The following PIP5K1A variants were observed in gnomAD, a reference collection of about 807,000 sequenced individuals.
The protein encoded by PIP5K1A is phosphatidylinositol 4-phosphate 5-kinase type-1 alpha.
In PIP5K1A, 46 loss-of-function variants were observed where a neutral mutation model predicts 72.9. That is an observed-to-expected ratio of 0.63 (90% confidence interval 0.50 to 0.81). The LOEUF is 0.81. PIP5K1A is among the 30% of genes least tolerant of loss of function. The pLI is 0.00. For missense variants in PIP5K1A, 458 were observed against 706.1 expected, an observed-to-expected ratio of 0.65 and a Z score of 3.98; for synonymous variants, 228 against 255.1, an observed-to-expected ratio of 0.89 and a Z score of 1.01.
intron 1 of PIP5K1A, among the ~76,000 whole-genome samples, chr1:151,200,556 C>T (rs1248871907): frequency 6.6e-6 from 1 of 152,108 alleles, no homozygotes; most frequent in Non-Finnish European, 1.5e-5. Flanking sequence ...GGTATTTCCT[C>T]AGGCCTGGTG....
At chr1:151,198,438 CGTGA>C (rs1476382195), upstream of PIP5K1A, 1 of 236,306 alleles carries the variant, frequency 4.2e-6, no homozygotes, top group Non-Finnish European at 8.6e-6. Flanking sequence ...CTCGTCAGGG[CGTGA>C]GGACCCACCT....
At chr1:151,215,302 T>C (rs986003088) in intron 1 of PIP5K1A, among the ~76,000 whole-genome samples, 7 of 151,798 alleles carry the variant, frequency 4.6e-5, no homozygotes, top group African/African-American at 1.7e-4. Context: ...CCTCCCAAAG[T>C]GTTGGGATTA....
In PIP5K1A at chr1:151,248,087, G is replaced by A. The variant is rs1265188427; in HGVS notation, c.*222G>A. On this transcript the variant is annotated 3_prime_UTR_variant, in exon 16 of 16. Coordinates refer to ENST00000368888, the MANE Select transcript of PIP5K1A (RefSeq NM_001135638.2). ...TTAGTGCCTCAGAGAGTTGAGGACCGCAGCATCCCCTCCACTCCAGAGTTG... is the reference window on the plus strand; with the variant it reads ...TTAGTGCCTCAGAGAGTTGAGGACCACAGCATCCCCTCCACTCCAGAGTTG... The A allele has an allele frequency of 1.8e-5, 10 of 543,386 alleles. No homozygotes were observed. The highest frequency in any genetic ancestry group is 6.8e-5 in the South Asian group (3 of 43,860). The allele number at this position is 543,386 out of a possible 1,614,324, so 33.7% of individuals were successfully genotyped here.
chr1:151,215,660 A>C (rs1253930025), intron 1 of PIP5K1A, among the ~76,000 whole-genome samples: 3 of 152,180 alleles, frequency 2.0e-5, no homozygotes, highest in Admixed American at 2.0e-4. Context: ...CTGGCTGCAG[A>C]GGAACCTTAT....
intron 4 of PIP5K1A, among the ~76,000 whole-genome samples, chr1:151,228,978 A>G (rs1393243002): frequency 2.6e-5 from 4 of 151,316 alleles, no homozygotes; most frequent in Non-Finnish European, 5.9e-5. Context: ...GACCAACCTG[A>G]CCAACATGGC....
chr1:151,208,792 G>GTGCAATCTCGGCTGAC (rs1686358267), intron 1 of PIP5K1A, among the ~76,000 whole-genome samples: 1 of 128,946 alleles, frequency 7.8e-6, no homozygotes, highest in Non-Finnish European at 1.6e-5. Context: ...GGGTGCACTG[G>GTGCAATCTCGGCTGAC]TGCAATCTCG....
chr1:151,233,566 T>A (rs1384978038), intron 7 of PIP5K1A: 1 of 152,302 alleles, frequency 6.6e-6, no homozygotes, highest in Non-Finnish European at 1.5e-5. Flanking sequence ...CCTCCCAAAG[T>A]GCTGGGATTA....
At chr1:151,238,943 T>C (rs1691263129) in intron 10 of PIP5K1A, among the ~76,000 whole-genome samples, 187 bp from the exon 11 acceptor site, 1 of 152,232 alleles carries the variant, frequency 6.6e-6, no homozygotes, top group African/African-American at 2.4e-5. Flanking sequence ...AGAAACAACA[T>C]TGGTCTCTGT....
intron 12 of PIP5K1A, among the ~76,000 whole-genome samples, chr1:151,240,517 A>C (rs1465073129): frequency 6.6e-6 from 1 of 152,000 alleles, no homozygotes; most frequent in African/African-American, 2.4e-5. Flanking sequence ...TTTTTTTGCA[A>C]ATCTTCCATG....
intron 1 of PIP5K1A, among the ~76,000 whole-genome samples, chr1:151,204,181 T>C (rs1685604495): frequency 6.6e-6 from 1 of 152,088 alleles, no homozygotes; most frequent in East Asian, 1.9e-4. Context: ...TTGATATATA[T>C]ATATATTTTT....
intron 12 of PIP5K1A, among the ~76,000 whole-genome samples, chr1:151,240,504 A>G (rs945883481): frequency 6.6e-6 from 1 of 152,166 alleles, no homozygotes; most frequent in African/African-American, 2.4e-5. Context: ...GGAAGTGCCA[A>G]TATTTTTTTG....
chr1:151,207,160 G>A (rs1426291187), intron 1 of PIP5K1A, among the ~76,000 whole-genome samples: 2 of 152,042 alleles, frequency 1.3e-5, no homozygotes, highest in East Asian at 1.9e-4. Flanking sequence ...GTGAGCCACC[G>A]CGCCTGGTCT....
In PIP5K1A at chr1:151,242,109, T is replaced by G; in HGVS notation, c.1364-14T>G. 6.2e-7 allele frequency: 1 copy of G among 1,614,032 alleles called. No individual in the cohort carries two copies. The highest frequency in any genetic ancestry group is 8.5e-7 in the Non-Finnish European group (1 of 1,179,902). On this transcript the variant is annotated splice_polypyrimidine_tract_variant and intron_variant, in intron 12 of 15. Transcript: ENST00000368888. ...AGGTAGTTGCTAAGTAGGCTCTCTC[T>G]TTCCCTTTTGAAGTGAAGCCTTCTC...
chr1:151,198,089 G>A (rs1191915508), upstream of PIP5K1A: 2 of 470,900 alleles, frequency 4.2e-6, no homozygotes, highest in Middle Eastern at 3.2e-4. Context: ...ACAAAACACA[G>A]ATCTATTTCG....
At position 151,219,851 on chromosome 1, in the gene PIP5K1A, C is replaced by CTTT. The variant is rs71237867; in HGVS notation, c.86-4376_86-4374dup. On this transcript the variant is annotated intron_variant, in intron 1 of 15. Coordinates refer to ENST00000368888, the MANE Select transcript of PIP5K1A (RefSeq NM_001135638.2). ...AAACCCTGTCCTTACATATTCTTTC[C>CTTT]TTTTTTTTTTTTTTTTTTTTGCCGA... 8.0e-4 allele frequency among the ~76,000 whole-genome samples: 79 copies of CTTT among 98,684 alleles called. 1 individual carries two copies. Among genetic ancestry groups the CTTT allele is most frequent in the Non-Finnish European group, 1.0e-3 (56 of 53,774 alleles). 64.7% of individuals were successfully genotyped at this position (98,684 alleles called of 152,430 possible). A position where few individuals can be genotyped will look rare whatever the true frequency, so the allele number is the denominator to read the frequency against.
chr1:151,211,025 A>G (rs1686725618), intron 1 of PIP5K1A, among the ~76,000 whole-genome samples: 1 of 152,172 alleles, frequency 6.6e-6, no homozygotes, highest in African/African-American at 2.4e-5. Context: ...CCCAAATTAT[A>G]TGTTTATTTC....
chr1:151,241,027 G>A (rs938522055), intron 12 of PIP5K1A, among the ~76,000 whole-genome samples: 3 of 152,058 alleles, frequency 2.0e-5, no homozygotes, highest in Non-Finnish European at 4.4e-5. Context: ...TAGCCGGGTG[G>A]TGGTGAGCAC....
At position 151,248,970 on chromosome 1, in the gene PIP5K1A, G is replaced by A. The variant is rs186243868; in HGVS notation, c.*1105G>A. On this transcript the variant is annotated 3_prime_UTR_variant, in exon 16 of 16. Transcript: ENST00000368888. ...TGGGGAGACAGCAGATTCTTGCCTT[G>A]GTGAGGTCATTGCTGTGCCATATGT... The A allele has an allele frequency of 1.3e-5, 2 of 152,412 alleles. No individual in the cohort carries two copies. Among genetic ancestry groups the A allele is most frequent in the Admixed American group, 1.3e-4 (2 of 15,288 alleles). The allele number at this position is 152,412 out of a possible 1,614,324, so 9.4% of individuals were successfully genotyped here. A position where few individuals can be genotyped will look rare whatever the true frequency, so the allele number is the denominator to read the frequency against.
intron 1 of PIP5K1A, among the ~76,000 whole-genome samples, chr1:151,221,298 G>A (rs765426812): frequency 1.3e-5 from 2 of 152,176 alleles, no homozygotes; most frequent in South Asian, 4.1e-4. Flanking sequence ...ATGTAGAGAT[G>A]CCTGAGTGAT....
Sources: allele counts gnomAD v4.1 joint callset (sites outside exome capture counted in the v4.1 genomes callset), GRCh38; gene constraint gnomAD v4.1.1; transcripts MANE v1.5; gene names NCBI Gene and HGNC (gene_info 2026-07-23, HGNC 2026-07-21).